PDE12: variants seen among roughly 807,000 people sequenced by gnomAD.
PDE12 encodes the protein phosphodiesterase 12, also known as 2',5'-phosphodiesterase 12.
Under a neutral mutation model 45.4 loss-of-function variants are expected in PDE12, and 26 were observed. That is an observed-to-expected ratio of 0.57 (90% CI 0.42 to 0.79). The LOEUF is 0.79. PDE12 is among the 30% of genes least tolerant of loss of function. The pLI is 0.00. For missense variants in PDE12, 668 were observed against 790.0 expected, an observed-to-expected ratio of 0.85 and a Z score of 1.85; for synonymous variants, 283 against 323.9, an observed-to-expected ratio of 0.87 and a Z score of 1.36.
At chr3:57,575,665 T>G in the PDE12 span, 1 of 1,604,904 alleles carries the variant, frequency 6.2e-7, no homozygotes, top group East Asian at 2.2e-5. Context: ...TCAATTCATC[T>G]ACCAGAAGCT....
chr3:57,628,029 T>A, the PDE12 span: 2 of 706,350 alleles, frequency 2.8e-6, no homozygotes, highest in East Asian at 3.0e-5. Flanking sequence ...ACCACAGATA[T>A]CCACTTTAAA....
the PDE12 span, among the ~76,000 whole-genome samples, chr3:57,579,700 A>G: frequency 1.3e-5 from 2 of 152,162 alleles, no homozygotes; most frequent in African/African-American, 4.8e-5. Context: ...TTGTTTTAGC[A>G]AATTGTAAGT....
At chr3:57,596,969 T>C in the PDE12 span, 6 of 1,280,810 alleles carry the variant, frequency 4.7e-6, no homozygotes, top group Non-Finnish European at 4.4e-6. Flanking sequence ...CCGGCGCCCC[T>C]CCCCCACCAC....
At chr3:57,636,494 C>G in the PDE12 span, among the ~76,000 whole-genome samples, 2 of 152,050 alleles carry the variant, frequency 1.3e-5, no homozygotes, top group African/African-American at 4.8e-5. Flanking sequence ...AAATATGATA[C>G]AGAGAAATGA....
At chr3:57,627,578 A>G in the PDE12 span, 8 of 152,296 alleles carry the variant, frequency 5.3e-5, no homozygotes, top group African/African-American at 1.9e-4. Context: ...TCTATATGAC[A>G]ACTGAAAAAA....
downstream of PDE12, among the ~76,000 whole-genome samples, chr3:57,569,477 C>G (rs920964288): frequency 3.3e-5 from 5 of 152,034 alleles, no homozygotes; most frequent in East Asian, 5.8e-4. Flanking sequence ...TTCAGCCTCT[C>G]GAGTAGCTGG....
chr3:57,576,244 T>G, the PDE12 span, among the ~76,000 whole-genome samples: 1 of 152,122 alleles, frequency 6.6e-6, no homozygotes, highest in African/African-American at 2.4e-5. Context: ...AAGAACACAT[T>G]GTATGTTTTC....
At chr3:57,633,408 T>C in the PDE12 span, 3 of 1,394,594 alleles carry the variant, frequency 2.2e-6, no homozygotes, top group Non-Finnish European at 3.0e-6. Flanking sequence ...TATAAAACAA[T>C]GGATAACTAT....
rs2069674832 is a variant in PDE12 at position 57,557,296 on chromosome 3, C to A, written c.917C>A (p.Thr306Lys). The change falls in exon 1 of 3, where the codon ACG becomes AAG. Residue 306 changes from threonine (T) to lysine (K), a missense_variant. Transcript: ENST00000311180. ...GTCTCTTACAACATCCTGGCAGACA[C>A]GTACGCGCAGACTGAGTTCTCGCGA... ...RTVSYNILAD[T>K]YAQTEFSRTV... 2 of 1,613,908 alleles carry A rather than the reference C, an allele frequency of 1.2e-6. No individual in the cohort carries two copies. The highest frequency in any genetic ancestry group is 1.7e-6 in the Non-Finnish European group (2 of 1,180,024).
the PDE12 span, chr3:57,596,900 G>A: frequency 1.6e-6 from 1 of 636,548 alleles, no homozygotes. Context: ...CGGGGGCGGG[G>A]GGGATCGCTC....
chr3:57,628,242 C>G, the PDE12 span: 2 of 1,613,666 alleles, frequency 1.2e-6, no homozygotes, highest in African/African-American at 1.3e-5. Flanking sequence ...GAGCAGTATG[C>G]CTTGCAAGTC....
At chr3:57,558,847 CT>C (rs113487542) in intron 1 of PDE12, among the ~76,000 whole-genome samples, 58,710 of 151,694 alleles carry the variant, frequency 0.39, 13,169 homozygotes, top group African/African-American at 0.62. Context: ...GATCCTGAAA[CT>C]TTAAGTTGGA....
the PDE12 span, among the ~76,000 whole-genome samples, chr3:57,583,524 CTG>C: frequency 6.6e-6 from 1 of 152,104 alleles, no homozygotes; most frequent in African/African-American, 2.4e-5. Flanking sequence ...AAACAAGTAA[CTG>C]GGCTAAACAA....
chr3:57,556,429 C>T lies in PDE12; in HGVS notation c.50C>T (p.Ala17Val). 1.9e-6 allele frequency: 3 copies of T among 1,611,094 alleles called. No individual in the cohort carries two copies. The highest frequency in any genetic ancestry group is 1.1e-5 in the South Asian group (1 of 90,848). ...GCCGCGCTTCGGGTGATCCGGACGGCGGTGGAGAAGCTGAGCCGGGCTGAA... is the reference window on the plus strand; with the variant it reads ...GCCGCGCTTCGGGTGATCCGGACGGTGGTGGAGAAGCTGAGCCGGGCTGAA... ...ARAALRVIRTAVEKLSRAEAG... is the reference protein window; with the variant it reads ...ARAALRVIRTVVEKLSRAEAG... The change falls in exon 1 of 3, where the codon GCG (alanine) becomes GTG (valine). Residue 17 changes from alanine to valine, a missense_variant. By Grantham distance (64) the Ala-to-Val change is moderately conservative. Around this residue, in one of 3 missense-constraint regions of PDE12, gnomAD observed 580 missense variants for 662.9 expected, o/e 0.87. Coordinates refer to ENST00000311180, the MANE Select transcript of PDE12 (RefSeq NM_177966.7). The surrounding 1 kb of genome is among the most constrained non-coding windows in gnomAD (Gnocchi z 5.0).
chr3:57,610,591 A>C, the PDE12 span, among the ~76,000 whole-genome samples: 1 of 152,146 alleles, frequency 6.6e-6, no homozygotes, highest in Non-Finnish European at 1.5e-5. Flanking sequence ...TACACCAATA[A>C]CAGACAAACA....
At chr3:57,613,241 A>G in the PDE12 span, among the ~76,000 whole-genome samples, 1 of 151,294 alleles carries the variant, frequency 6.6e-6, no homozygotes, top group African/African-American at 2.4e-5. Context: ...TCGGCCTCCC[A>G]AAGTGCTAGG....
chr3:57,633,617 C>T, the PDE12 span, among the ~76,000 whole-genome samples: 1 of 152,098 alleles, frequency 6.6e-6, no homozygotes, highest in Non-Finnish European at 1.5e-5. Context: ...GGCTGGGCAC[C>T]GTGGCTCACG....
chr3:57,575,522 G>A, the PDE12 span: 2 of 1,599,076 alleles, frequency 1.3e-6, no homozygotes, highest in Admixed American at 1.8e-5. Context: ...TAGTCAAGAG[G>A]TTAATATCAA....
At chr3:57,616,020 CAA>C in the PDE12 span, among the ~76,000 whole-genome samples, 2 of 151,820 alleles carry the variant, frequency 1.3e-5, no homozygotes, top group African/African-American at 4.8e-5. Context: ...GACAAACTGC[CAA>C]AGCTCACTTT....
Sources: allele counts gnomAD v4.1 joint callset (sites outside exome capture counted in the v4.1 genomes callset), GRCh38; gene constraint gnomAD v4.1.1; regional missense constraint gnomAD v4.1.1; non-coding constraint Gnocchi (gnomAD v3.1); transcripts MANE v1.5; gene names NCBI Gene and HGNC (gene_info 2026-07-23, HGNC 2026-07-21).